AMZ2: variants seen among roughly 807,000 people sequenced by gnomAD.
AMZ2 encodes the protein archaemetzincin-2.
A neutral mutation model predicts 36.7 loss-of-function variants in AMZ2; 26 were observed. The observed-to-expected ratio is 0.71, with a 90% confidence interval of 0.52 to 0.98. The LOEUF (loss-of-function observed/expected upper bound fraction) is 0.98. Ranked by LOEUF, AMZ2 falls within the 50% of genes least tolerant of loss-of-function variation. The pLI is 0.00. For synonymous variants in AMZ2, 144 were observed against 149.1 expected (o/e 0.97, Z 0.25); for missense variants, 394 against 430.5 (o/e 0.92, Z 0.75).
Position 68,235,950 on chromosome 17 carries a change from C to T in AMZ2, c.-66-12690C>T, listed in dbSNP as rs1179819411. On this transcript the variant is annotated intron_variant, in intron 1 of 7. Coordinates refer to the AMZ2 transcript ENST00000674770. The surrounding 1 kb of genome is among the most constrained non-coding windows in gnomAD (Gnocchi z 4.2). ...GCTCAAGCGATTCTCCTGCCTCAGG[C>T]TCCCAAGTAGCTGGGATTATAGGTG... is the stretch of plus-strand genomic sequence containing the variant. Among the ~76,000 whole-genome samples the T allele has an allele frequency of 6.6e-6, 1 of 152,162 alleles. No homozygotes were observed. The highest frequency in any genetic ancestry group is 1.5e-5 in the Non-Finnish European group (1 of 68,028).
intron 1 of AMZ2, chr17:68,249,876 G>A (rs34089096): frequency 0.017 from 5,623 of 325,196 alleles, 64 homozygotes; most frequent in Non-Finnish European, 0.027. Context: ...CAAACTCCTG[G>A]CCTCAAGCAA....
At chr17:68,222,540 T>G (rs368446104) in intron 1 of AMZ2, among the ~76,000 whole-genome samples, 1 of 152,318 alleles carries the variant, frequency 6.6e-6, no homozygotes, top group East Asian at 1.9e-4. Flanking sequence ...ATGAAATATA[T>G]AATGAAATAA....
chr17:68,233,890 C>G (rs1469317006), intron 1 of AMZ2, among the ~76,000 whole-genome samples: 1 of 151,886 alleles, frequency 6.6e-6, no homozygotes, highest in Non-Finnish European at 1.5e-5. Context: ...CCTGCTTAAG[C>G]TGATCCATTC....
At chr17:68,219,825 C>T (rs138840970) in intron 1 of AMZ2, among the ~76,000 whole-genome samples, 42 of 152,188 alleles carry the variant, frequency 2.8e-4, no homozygotes, top group Admixed American at 7.2e-4. Flanking sequence ...TGAGCCACCT[C>T]GCCTGACCTC....
At chr17:68,240,816 T>G (rs2073886249) in intron 1 of AMZ2, among the ~76,000 whole-genome samples, 1 of 152,222 alleles carries the variant, frequency 6.6e-6, no homozygotes, top group African/African-American at 2.4e-5. Context: ...GCAAACTGTT[T>G]ATAATACTGA....
chr17:68,214,913 A>T (rs1478377742), intron 1 of AMZ2, among the ~76,000 whole-genome samples: 1 of 143,506 alleles, frequency 7.0e-6, no homozygotes, highest in East Asian at 2.1e-4. Flanking sequence ...TCCCGCAAAT[A>T]GCTGGGACTA....
At chr17:68,209,486 G>GC (rs1289041203) in intron 1 of AMZ2, among the ~76,000 whole-genome samples, 1 of 151,212 alleles carries the variant, frequency 6.6e-6, no homozygotes, top group Admixed American at 6.6e-5. Context: ...GAGCCACTAT[G>GC]CCCGGCCTTT....
intron 1 of AMZ2, among the ~76,000 whole-genome samples, chr17:68,242,679 C>G (rs781915712): frequency 6.6e-6 from 1 of 152,282 alleles, no homozygotes; most frequent in Non-Finnish European, 1.5e-5. Flanking sequence ...TCCCAAAGTT[C>G]TGGGATTACA....
chr17:68,242,567 A>G (rs1360518225), intron 1 of AMZ2, among the ~76,000 whole-genome samples: 2 of 151,974 alleles, frequency 1.3e-5, no homozygotes, highest in African/African-American at 4.8e-5. Context: ...GTGTGCTACC[A>G]TGCCCAGCTA....
upstream of AMZ2, chr17:68,246,746 A>G (rs782692428): frequency 8.5e-5 from 13 of 152,314 alleles, no homozygotes; most frequent in African/African-American, 3.1e-4. Flanking sequence ...GAAGGGCTAA[A>G]GAGATCCTCG....
Position 68,248,700 on chromosome 17 carries a change from A to AT in AMZ2, c.-5dup. The AT allele has an allele frequency of 1.0e-6, 1 of 986,680 alleles. No homozygotes were observed. The highest frequency in any genetic ancestry group is 1.2e-6 in the Non-Finnish European group (1 of 830,690). The allele number at this position is 986,680 out of a possible 1,614,324, so 61.1% of individuals were successfully genotyped here. A position where few individuals can be genotyped will look rare whatever the true frequency, so the allele number is the denominator to read the frequency against. Reference sequence around the variant, plus strand: ...GCTTCCATGGGAGCCTTCCTTCCTAATCAAGGTAGGTAGACTACAGGAAGG... The same window carrying AT: ...GCTTCCATGGGAGCCTTCCTTCCTAATTCAAGGTAGGTAGACTACAGGAAGG... On this transcript the variant is annotated 5_prime_UTR_variant, in exon 1 of 7. Transcript: ENST00000359904.
chr17:68,225,154 T>C (rs112218352), intron 1 of AMZ2, among the ~76,000 whole-genome samples: 4,229 of 152,154 alleles, frequency 0.028, 196 homozygotes, highest in African/African-American at 0.094. Flanking sequence ...ATGGAACCAC[T>C]GCACTCCAGC....
At chr17:68,216,903 C>G (rs1183359284) in intron 1 of AMZ2, among the ~76,000 whole-genome samples, 6 of 151,928 alleles carry the variant, frequency 3.9e-5, no homozygotes, top group Admixed American at 1.3e-4. Context: ...CGTGGTGGCA[C>G]GTGCCTGTAG....
chr17:68,212,455 G>A (rs2073091966), intron 1 of AMZ2, among the ~76,000 whole-genome samples: 1 of 152,204 alleles, frequency 6.6e-6, no homozygotes, highest in African/African-American at 2.4e-5. Context: ...AGGATGCCTT[G>A]AGCCCAGGAG....
intron 1 of AMZ2, chr17:68,206,998 C>G (rs1450279054): frequency 6.6e-6 from 1 of 152,258 alleles, no homozygotes; most frequent in Non-Finnish European, 1.5e-5. Context: ...AATGAAAGTA[C>G]AAAACCGCAG....
At chr17:68,209,632 A>ATAT in intron 1 of AMZ2, among the ~76,000 whole-genome samples, 24 of 90,684 alleles carry the variant, frequency 2.6e-4, no homozygotes, top group African/African-American at 6.9e-4. Context: ...ATATATATAT[A>ATAT]TTTTTTTTTT....
chr17:68,229,825 G>A (rs1396551213), intron 1 of AMZ2, among the ~76,000 whole-genome samples: 1 of 152,284 alleles, frequency 6.6e-6, no homozygotes. Flanking sequence ...TCCGGAGTCC[G>A]GAGGATGGCT....
intron 1 of AMZ2, among the ~76,000 whole-genome samples, chr17:68,219,485 C>T (rs782409403): frequency 3.3e-5 from 5 of 152,236 alleles, no homozygotes; most frequent in East Asian, 1.9e-4. Flanking sequence ...TCCCATGTTA[C>T]TGCTTTTTCA....
chr17:68,241,178 G>A (rs2073893232), intron 1 of AMZ2, among the ~76,000 whole-genome samples: 1 of 152,052 alleles, frequency 6.6e-6, no homozygotes, highest in Non-Finnish European at 1.5e-5. Flanking sequence ...GCCATGTAGA[G>A]AAGCATTAAA....
Sources: allele counts gnomAD v4.1 joint callset (sites outside exome capture counted in the v4.1 genomes callset), GRCh38; gene constraint gnomAD v4.1.1; non-coding constraint Gnocchi (gnomAD v3.1); transcripts MANE v1.5; gene names NCBI Gene and HGNC (gene_info 2026-07-23, HGNC 2026-07-21).